The following TSPAN7 variants were observed in gnomAD, a reference collection of about 807,000 sequenced individuals.
TSPAN7 encodes tetraspanin-7.
A neutral mutation model predicts 17.6 loss-of-function variants in TSPAN7; 1 was observed. That is an observed-to-expected ratio of 0.06 (90% CI 0.02 to 0.27). The LOEUF is 0.27. TSPAN7 is among the 10% of genes least tolerant of loss of function. TSPAN7 has a pLI of 1.00. For synonymous variants in TSPAN7, 78 were observed against 79.0 expected (o/e 0.99, Z 0.07); for missense variants, 112 against 201.7 (o/e 0.56, Z 2.69).
chrX:38,650,296 G>A (rs1395721210), intron 1 of TSPAN7, among the ~76,000 whole-genome samples: 13 of 112,229 alleles, frequency 1.2e-4, no homozygotes, highest in Non-Finnish European at 1.9e-4. Flanking sequence ...GATACTTTAC[G>A]TTTGAATAAT....
chrX:38,651,479 A>G (rs1340337375), intron 1 of TSPAN7, among the ~76,000 whole-genome samples: 1 of 112,018 alleles, frequency 8.9e-6, no homozygotes, highest in Non-Finnish European at 1.9e-5. Context: ...AAAAGAAGTC[A>G]GTCATAAGAG....
chrX:38,659,823 CTTTTTTTTTTTT>C (rs748922281), intron 1 of TSPAN7, among the ~76,000 whole-genome samples: 4 of 61,605 alleles, frequency 6.5e-5, no homozygotes, highest in African/African-American at 2.6e-4. Context: ...TTTTCTTTTT[CTTTTTTTTTTTT>C]TTTTTTTTTG....
intron 6 of TSPAN7, 44 bp from the exon 7 acceptor site, chrX:38,687,555 C>T (rs1223994270): frequency 2.3e-5 from 26 of 1,143,770 alleles, no homozygotes; most frequent in East Asian, 3.0e-5. Flanking sequence ...GGGTGTGGTT[C>T]GGTGACTTGA....
intron 1 of TSPAN7, among the ~76,000 whole-genome samples, chrX:38,632,007 T>G (rs1036327304): frequency 8.9e-6 from 1 of 112,140 alleles, no homozygotes; most frequent in Non-Finnish European, 1.9e-5. Flanking sequence ...CTTTGATATA[T>G]CTTTTGCAAT....
chrX:38,602,094 A>T, intron 1 of TSPAN7, among the ~76,000 whole-genome samples: 1 of 111,559 alleles, frequency 9.0e-6, no homozygotes, highest in Non-Finnish European at 1.9e-5. Flanking sequence ...TAATGTAGTC[A>T]TCTCCCACAG....
chrX:38,661,274 T>C (rs987946674), intron 1 of TSPAN7, among the ~76,000 whole-genome samples: 16 of 112,908 alleles, frequency 1.4e-4, no homozygotes, highest in Non-Finnish European at 2.8e-4. Flanking sequence ...CCCCTTGGCA[T>C]ATTGCCAAAC....
chrX:38,592,094 A>C (rs1259751801), intron 1 of TSPAN7, among the ~76,000 whole-genome samples: 1 of 110,871 alleles, frequency 9.0e-6, no homozygotes, highest in African/African-American at 3.3e-5. Flanking sequence ...CTTTTAAACA[A>C]CCAGATCTCA....
intron 1 of TSPAN7, among the ~76,000 whole-genome samples, chrX:38,577,585 G>A (rs1490113010): frequency 1.0e-5 from 1 of 99,565 alleles, no homozygotes; most frequent in Non-Finnish European, 2.0e-5. Context: ...AACACCGCAT[G>A]CTCTCACTCA....
chrX:38,571,640 T>C (rs1207292832), intron 1 of TSPAN7, among the ~76,000 whole-genome samples: 4 of 110,986 alleles, frequency 3.6e-5, no homozygotes, highest in Non-Finnish European at 7.6e-5. Context: ...ACTAAAGCAA[T>C]GTGTATCAGA....
intron 1 of TSPAN7, among the ~76,000 whole-genome samples, chrX:38,564,783 A>G (rs755132825): frequency 5.4e-5 from 6 of 111,903 alleles, no homozygotes; most frequent in African/African-American, 2.0e-4. Flanking sequence ...TTTCTTGAAG[A>G]AATATTTATT....
Position 38,628,583 on chromosome X carries a change from A to T in TSPAN7, c.82-37538A>T, listed in dbSNP as rs761114669. ...CATGCAAGATTGTACTATCTGCCTT[A>T]TTCTTCTGTTTCATCTCAGGTCAAT... is the stretch of plus-strand genomic sequence containing the variant. On this transcript the variant is annotated intron_variant, in intron 1 of 7. Transcript: ENST00000378482. Among the ~76,000 whole-genome samples the T allele has an allele frequency of 2.7e-5, 3 of 111,406 alleles. No individual in the cohort carries two copies. The Admixed American group carries it at 2.9e-4, about 11-fold the overall frequency.
At chrX:38,660,826 TGTC>T (rs1162164577) in intron 1 of TSPAN7, among the ~76,000 whole-genome samples, 1 of 112,184 alleles carries the variant, frequency 8.9e-6, no homozygotes, top group Non-Finnish European at 1.9e-5. Flanking sequence ...CAATTTCTGT[TGTC>T]TTTTTTTTCT....
rs777967317 is a variant in TSPAN7 at position 38,598,291 on chromosome X, A to G, written c.81+36664A>G. On this transcript the variant is annotated intron_variant, in intron 1 of 7. Transcript: ENST00000378482. ...TATCCCTCCTCTCTGTGAAATCTCT[A>G]TGTGGCTCCCTGGGATAAAGTTGCT... 1.2e-3 allele frequency among the ~76,000 whole-genome samples: 138 copies of G among 111,109 alleles called. 1 individual carries two copies. Among genetic ancestry groups the G allele is most frequent in the Non-Finnish European group, 1.9e-3 (101 of 52,853 alleles).
At chrX:38,674,440 C>T (rs1383104334) in intron 4 of TSPAN7, 124 bp downstream of exon 4, 3 of 615,852 alleles carry the variant, frequency 4.9e-6, no homozygotes, top group Non-Finnish European at 8.0e-6. Context: ...AGTCCAGTTC[C>T]ATTGCCAAGA....
intron 1 of TSPAN7, among the ~76,000 whole-genome samples, chrX:38,638,922 G>T (rs779899542): frequency 9.0e-6 from 1 of 111,729 alleles, no homozygotes; most frequent in Non-Finnish European, 1.9e-5. Flanking sequence ...CAGGGACTTT[G>T]CTGGGGAAAG....
At chrX:38,606,504 T>G (rs1321872784) in intron 1 of TSPAN7, among the ~76,000 whole-genome samples, 2 of 111,615 alleles carry the variant, frequency 1.8e-5, no homozygotes, top group African/African-American at 6.5e-5. Flanking sequence ...AGCTACAGCC[T>G]TCTTTAAGGT....
chrX:38,687,437 A>G (rs2069932944), intron 6 of TSPAN7, among the ~76,000 whole-genome samples, 162 bp from the exon 7 acceptor site: 1 of 111,525 alleles, frequency 9.0e-6, no homozygotes. Context: ...CCCTTTCCCC[A>G]TTTACATACA....
chrX:38,659,938 C>T (rs1369852640), intron 1 of TSPAN7, among the ~76,000 whole-genome samples: 3 of 106,498 alleles, frequency 2.8e-5, no homozygotes, highest in Non-Finnish European at 3.9e-5. Flanking sequence ...GTGATTCTCC[C>T]GCCTCAGCCT....
intron 1 of TSPAN7, chrX:38,570,838 T>C (rs754949994): frequency 2.7e-5 from 3 of 111,740 alleles, no homozygotes; most frequent in Admixed American, 9.5e-5. Flanking sequence ...GAACATTTTT[T>C]TCATCTTACT....
Sources: allele counts gnomAD v4.1 joint callset (sites outside exome capture counted in the v4.1 genomes callset), GRCh38; gene constraint gnomAD v4.1.1; transcripts MANE v1.5; gene names NCBI Gene and HGNC (gene_info 2026-07-23, HGNC 2026-07-21).